Variants in CHD5 observed in about 807,000 individuals in gnomAD.
CHD5 encodes the protein ATP-dependent chromatin remodeler CHD5.
In CHD5, 69 loss-of-function variants were observed where a neutral mutation model predicts 230.3. The observed-to-expected ratio is 0.30, with a 90% CI of 0.25 to 0.37. The LOEUF (loss-of-function observed/expected upper bound fraction) is 0.37, where lower values mean the gene tolerates loss of function less well. CHD5 is among the 10% of genes least tolerant of loss of function. CHD5 has a pLI of 1.00. For synonymous variants in CHD5, 1,064 were observed against 1,065.9 expected (o/e 1.00, Z 0.03); for missense variants, 1,827 against 2,622.8 (o/e 0.70, Z 6.63).
intron 15 of CHD5, among the ~76,000 whole-genome samples, chr1:6,139,943 A>T (rs950343329): frequency 6.6e-6 from 1 of 152,012 alleles, no homozygotes; most frequent in African/African-American, 2.4e-5. Context: ...ACAGTTTCCG[A>T]GCATCTCTAA....
At position 6,131,294 on chromosome 1, in the gene CHD5, G is replaced by A. The variant is rs79109113; in HGVS notation, c.3262+337C>T. Among the ~76,000 whole-genome samples the A allele has an allele frequency of 7.1e-3, 1,087 of 152,292 alleles. 11 individuals carry two copies. The highest frequency in any genetic ancestry group is 0.025 in the African/African-American group (1,043 of 41,556). ...CTCTGGAAGTGGCCCCAGGTAGCAC[G>A]TGCATCTCTGTACCTTCTGCCACCA... On this transcript the variant is annotated intron_variant, in intron 21 of 41. Coordinates refer to ENST00000262450, the MANE Select transcript of CHD5 (RefSeq NM_015557.3). The surrounding 1 kb of genome is among the most constrained non-coding windows in gnomAD (Gnocchi z 5.0).
intron 25 of CHD5, among the ~76,000 whole-genome samples, chr1:6,127,373 G>A (rs559959281): frequency 5.3e-4 from 80 of 152,252 alleles, no homozygotes; most frequent in African/African-American, 1.8e-3. Context: ...AGTAATCCCA[G>A]CTACTTGGGA....
chr1:6,133,502 C>G (rs1287725392), intron 20 of CHD5, among the ~76,000 whole-genome samples: 1 of 152,248 alleles, frequency 6.6e-6, no homozygotes, highest in East Asian at 1.9e-4. Context: ...ACGAGAGGAG[C>G]ATTTTTAGCC....
intron 11 of CHD5, among the ~76,000 whole-genome samples, chr1:6,145,398 G>A (rs1191316983): frequency 6.6e-6 from 1 of 152,236 alleles, no homozygotes; most frequent in Admixed American, 6.5e-5. Context: ...CAGGGTAGCT[G>A]GGATGGGGAG....
chr1:6,151,873 A>C (rs1667013676), intron 6 of CHD5, among the ~76,000 whole-genome samples: 1 of 152,144 alleles, frequency 6.6e-6, no homozygotes, highest in African/African-American at 2.4e-5. Flanking sequence ...CTCACAGAGA[A>C]AGGGGGGCCC....
Position 6,110,432 on chromosome 1 carries a change from G to T in CHD5, c.5344C>A (p.Leu1782Met). Residue 1782 changes from leucine to methionine, a missense_variant, in exon 37 of 42, where the codon CTG becomes ATG. Transcript: ENST00000262450. ...FKSEVHKGNY[L>M]EMKNKFLARR... ...GCCAGGAACTTGTTCTTCATCTCCA[G>T]GTAGTTGCCCTTGTGGACCTCAGAC... 1 of 1,614,082 alleles carries T rather than the reference G, an allele frequency of 6.2e-7. No homozygotes were observed. Among genetic ancestry groups the T allele is most frequent in the Non-Finnish European group, 8.5e-7 (1 of 1,180,038 alleles).
chr1:6,112,205 C>G lies in CHD5; in HGVS notation c.5075G>C (p.Gly1692Ala), dbSNP rs749539777. The G allele has an allele frequency of 3.7e-6, 6 of 1,614,144 alleles. No homozygotes were observed. In the South Asian group the frequency reaches 6.6e-5, roughly 18 times the overall value. ...QNGDKEEDDE[G>A]KKEDKKGKFK... ...TTTCCCCTTCTTGTCCTCCTTCTTC[C>G]CCTCGTCATCTTCCTCTTTGTCACC... The change falls in exon 35 of 42, where the codon GGG becomes GCG. Residue 1692 changes from glycine (G) to alanine (A), a missense_variant. This residue lies in a region of CHD5 where 272 missense variants were observed against 263.2 expected (regional missense o/e 1.03). Coordinates refer to ENST00000262450, the MANE Select transcript of CHD5 (RefSeq NM_015557.3).
chr1:6,165,745 G>A (rs966103237), intron 2 of CHD5, among the ~76,000 whole-genome samples: 6 of 152,228 alleles, frequency 3.9e-5, no homozygotes, highest in East Asian at 1.9e-4. Context: ...AGAGGAGGGC[G>A]GGGCTGCAGC....
intron 2 of CHD5, among the ~76,000 whole-genome samples, chr1:6,163,634 C>T (rs955634251): frequency 1.3e-5 from 2 of 152,194 alleles, no homozygotes; most frequent in Admixed American, 6.5e-5. Context: ...CATCATCCAG[C>T]GGCAAGAAGG....
intron 5 of CHD5, among the ~76,000 whole-genome samples, chr1:6,153,534 C>T (rs1667037339): frequency 6.6e-6 from 1 of 152,220 alleles, no homozygotes; most frequent in Non-Finnish European, 1.5e-5. Flanking sequence ...CCCCTTCCAT[C>T]AAAACCCAAA....
intron 1 of CHD5, among the ~76,000 whole-genome samples, chr1:6,176,562 C>T (rs548864946): frequency 6.6e-6 from 1 of 152,318 alleles, no homozygotes; most frequent in African/African-American, 2.4e-5. Flanking sequence ...CTCCCCTGAG[C>T]TTACTGGCTA....
chr1:6,151,265 GCTCT>G, intron 6 of CHD5, 110 bp from the exon 7 acceptor site: 2 of 1,288,746 alleles, frequency 1.6e-6, no homozygotes, highest in Non-Finnish European at 2.1e-6. Context: ...GAGACACAGT[GCTCT>G]CTGTGATTCA....
chr1:6,155,838 T>G lies in CHD5; in HGVS notation c.388-121A>C. 2 of 714,196 alleles carry G rather than the reference T, an allele frequency of 2.8e-6. No individual in the cohort carries two copies. The highest frequency in any genetic ancestry group is 1.7e-5 in the South Asian group (1 of 59,964). The allele number at this position is 714,196 out of a possible 1,614,324, so 44.2% of individuals were successfully genotyped here. Reference sequence around the variant, plus strand: ...GAAAGAGGAGGGGTTGTGTCTGCAATGTAACCAGACCATTCTCACCCACCC... The same window carrying G: ...GAAAGAGGAGGGGTTGTGTCTGCAAGGTAACCAGACCATTCTCACCCACCC... On this transcript the variant is annotated intron_variant, in intron 3 of 41. Transcript: ENST00000262450. This position sits in a 1 kb window ranked among gnomAD's most constrained non-coding sequence, Gnocchi z 4.0.
chr1:6,174,638 A>C, intron 1 of CHD5, among the ~76,000 whole-genome samples: 1 of 150,082 alleles, frequency 6.7e-6, no homozygotes, highest in Non-Finnish European at 1.5e-5. Flanking sequence ...TGGTGAATAG[A>C]TGGATGGATG....
chr1:6,111,059 G>A (rs544290281), intron 36 of CHD5, among the ~76,000 whole-genome samples: 15 of 151,786 alleles, frequency 9.9e-5, no homozygotes, highest in African/African-American at 2.9e-4. Context: ...GCGAAACCCC[G>A]TCTCTACTAA....
chr1:6,125,402 G>A lies in CHD5; in HGVS notation c.4260+122C>T. 1 of 1,292,010 alleles carries A rather than the reference G, an allele frequency of 7.7e-7. No individual in the cohort carries two copies. Among genetic ancestry groups the A allele is most frequent in the Non-Finnish European group, 1.1e-6 (1 of 930,588 alleles). The allele number at this position is 1,292,010 out of a possible 1,614,324, so 80.0% of individuals were successfully genotyped here. ...ACCCTGACGGCGAAGACCAGACCAA[G>A]TTCTGTCCAAGCTCCGCCTCTACCT... is the stretch of plus-strand genomic sequence containing the variant. On this transcript the variant is annotated intron_variant, in intron 28 of 41. Coordinates refer to ENST00000262450, the MANE Select transcript of CHD5 (RefSeq NM_015557.3). The surrounding 1 kb of genome is among the most constrained non-coding windows in gnomAD (Gnocchi z 6.7).
rs12035382 is a variant in CHD5 at position 6,155,286 on chromosome 1, T to C, written c.506+313A>G. ...GCCACAGGTGGGCTACAGTGGGCCT[T>C]GGGGTCTCCGTCCCACCTCTACCAG... On this transcript the variant is annotated intron_variant, in intron 4 of 41. Transcript: ENST00000262450. The surrounding 1 kb of genome is among the most constrained non-coding windows in gnomAD (Gnocchi z 4.0). Among the ~76,000 whole-genome samples the C allele has an allele frequency of 0.12, 18,783 of 152,146 alleles. 1,424 individuals carry two copies. Among genetic ancestry groups the C allele is most frequent in the East Asian group, 0.27 (1,363 of 5,140 alleles).
chr1:6,144,551 C>A (rs557375747), intron 11 of CHD5, among the ~76,000 whole-genome samples: 1 of 152,190 alleles, frequency 6.6e-6, no homozygotes, highest in South Asian at 2.1e-4. Flanking sequence ...ACTTAAAATA[C>A]GCAAAGGACT....
intron 1 of CHD5, among the ~76,000 whole-genome samples, chr1:6,171,534 G>A (rs992861094): frequency 3.0e-4 from 46 of 151,522 alleles, no homozygotes; most frequent in African/African-American, 1.0e-3. Context: ...ACACGCTCCC[G>A]TCTTCAGCCA....
Sources: allele counts gnomAD v4.1 joint callset (sites outside exome capture counted in the v4.1 genomes callset), GRCh38; gene constraint gnomAD v4.1.1; regional missense constraint gnomAD v4.1.1; non-coding constraint Gnocchi (gnomAD v3.1); transcripts MANE v1.5; gene names NCBI Gene and HGNC (gene_info 2026-07-23, HGNC 2026-07-21).